TJP2: variants seen among roughly 807,000 people sequenced by gnomAD.
TJP2 encodes the protein tight junction protein 2.
A neutral mutation model predicts 133.1 loss-of-function variants in TJP2; 91 were observed. The ratio of observed to expected loss-of-function variants is 0.68; its 90% CI spans 0.58 to 0.81. The LOEUF is 0.81. Among genes scored for constraint, TJP2 ranks in the 40% least tolerant of loss-of-function variants. TJP2 has a pLI of 0.00. For synonymous variants in TJP2, 592 were observed against 583.4 expected (o/e 1.01, Z -0.21); for missense variants, 1,541 against 1,565.6 (o/e 0.98, Z 0.26).
At chr9:69,204,391 C>T (rs1314570429) in intron 1 of TJP2, among the ~76,000 whole-genome samples, 1 of 152,190 alleles carries the variant, frequency 6.6e-6, no homozygotes. Context: ...GAATTCCTAA[C>T]CCCAGCTCCC....
intron 1 of TJP2, among the ~76,000 whole-genome samples, chr9:69,193,559 C>T (rs541042749): frequency 6.8e-6 from 1 of 146,956 alleles, no homozygotes; most frequent in African/African-American, 2.5e-5. Flanking sequence ...CCCGTGTCAC[C>T]AATGGACTAA....
chr9:69,170,728 T>G (rs1471734013), upstream of TJP2, among the ~76,000 whole-genome samples: 1 of 152,238 alleles, frequency 6.6e-6, no homozygotes, highest in East Asian at 1.9e-4. Context: ...TTCCTTGGCT[T>G]TTTGGACACT....
At chr9:69,252,741 G>A (rs1831426471) in intron 21 of TJP2, 74 bp from the exon 22 acceptor site, 2 of 1,406,988 alleles carry the variant, frequency 1.4e-6, no homozygotes, top group Non-Finnish European at 2.0e-6. Flanking sequence ...GGTGGGACCA[G>A]CAGGAAACCA....
chr9:69,148,011 G>C (rs780890122), intron 1 of TJP2, among the ~76,000 whole-genome samples: 2 of 150,760 alleles, frequency 1.3e-5, no homozygotes, highest in South Asian at 4.2e-4. Context: ...TGCAACCTCC[G>C]CCTCCCGGGT....
At chr9:69,193,575 C>T (rs1057443423) in intron 1 of TJP2, among the ~76,000 whole-genome samples, 1 of 146,660 alleles carries the variant, frequency 6.8e-6, no homozygotes, top group Non-Finnish European at 1.5e-5. Flanking sequence ...ACTAAGGATG[C>T]AGACTGTCAG....
intron 19 of TJP2, 194 bp from the exon 20 acceptor site, chr9:69,249,181 A>G (rs1828002168): frequency 1.0e-6 from 1 of 985,414 alleles, no homozygotes; most frequent in Non-Finnish European, 1.2e-6. Flanking sequence ...GAGACTCTAC[A>G]TTGGATGCAG....
At chr9:69,131,889 A>G (rs73647082) in intron 1 of TJP2, among the ~76,000 whole-genome samples, 2,824 of 152,266 alleles carry the variant, frequency 0.019, 80 homozygotes, top group African/African-American at 0.062. Context: ...CCCAGTTTCA[A>G]TGATTCACTA....
chr9:69,178,359 A>C (rs1337204818), intron 1 of TJP2, among the ~76,000 whole-genome samples: 1 of 152,252 alleles, frequency 6.6e-6, no homozygotes, highest in Non-Finnish European at 1.5e-5. Flanking sequence ...TAGATTGCTT[A>C]GAATGAGGCA....
At chr9:69,193,202 C>T (rs753591707) in intron 1 of TJP2, among the ~76,000 whole-genome samples, 14 of 152,128 alleles carry the variant, frequency 9.2e-5, no homozygotes, top group African/African-American at 1.9e-4. Context: ...AGGCATGAGC[C>T]ACCGTGCCTG....
upstream of TJP2, among the ~76,000 whole-genome samples, chr9:69,173,729 C>A (rs1053894042): frequency 6.6e-6 from 1 of 152,204 alleles, no homozygotes; most frequent in African/African-American, 2.4e-5. Context: ...TTCGACTCTT[C>A]GTAGGAGAAC....
At chr9:69,146,322 G>A (rs1823209367) in intron 1 of TJP2, among the ~76,000 whole-genome samples, 1 of 152,136 alleles carries the variant, frequency 6.6e-6, no homozygotes, top group Non-Finnish European at 1.5e-5. Context: ...AGTTCTTTAT[G>A]CATAGCTACA....
At chr9:69,216,565 AT>A (rs1374636128) in intron 3 of TJP2, 102 bp downstream of exon 3, 5 of 1,289,888 alleles carry the variant, frequency 3.9e-6, no homozygotes, top group Non-Finnish European at 5.3e-6. Flanking sequence ...AAAGAAAAAA[AT>A]AACAAACTTT....
intron 17 of TJP2, among the ~76,000 whole-genome samples, chr9:69,243,636 CTT>C (rs1045084164): frequency 9.2e-5 from 14 of 152,294 alleles, no homozygotes; most frequent in Admixed American, 2.0e-4. Context: ...TTTAAGTTGA[CTT>C]ATGGATTTAG....
chr9:69,201,620 A>G (rs1251668787), intron 1 of TJP2, among the ~76,000 whole-genome samples: 1 of 152,172 alleles, frequency 6.6e-6, no homozygotes, highest in African/African-American at 2.4e-5. Flanking sequence ...TTGTTGAATG[A>G]ATGAGTAAAG....
intron 1 of TJP2, among the ~76,000 whole-genome samples, chr9:69,192,037 C>T (rs1012334530): frequency 2.0e-5 from 3 of 151,934 alleles, no homozygotes; most frequent in Admixed American, 6.6e-5. Context: ...CATGCCCAGC[C>T]GTATGTTTTA....
chr9:69,122,964 A>G lies in TJP2; in HGVS notation c.-131+1239A>G, dbSNP rs115712160. On this transcript the variant is annotated intron_variant, in intron 1 of 5. Transcript: ENST00000423935. ...TAGGGTGACATTCTGGGTACTTTCA[A>G]GTGTTCACGTGTCTTGCCACTTTAA... Among the ~76,000 whole-genome samples, 699 of 152,216 alleles carry G rather than the reference A, an allele frequency of 4.6e-3. 5 individuals carry two copies. Among genetic ancestry groups the G allele is most frequent in the African/African-American group, 0.016 (675 of 41,518 alleles).
chr9:69,229,134 G>T, intron 9 of TJP2, 50 bp from the exon 10 acceptor site: 1 of 1,525,792 alleles, frequency 6.6e-7, no homozygotes, highest in Non-Finnish European at 9.1e-7. Context: ...ATTTAGAAAC[G>T]CACTCTTGTT....
chr9:69,225,448 C>A, intron 6 of TJP2, 41 bp downstream of exon 6: 1 of 1,313,226 alleles, frequency 7.6e-7, no homozygotes, highest in Non-Finnish European at 1.1e-6. Flanking sequence ...TGCATACTGC[C>A]GTTCATCGCC....
In TJP2 at chr9:69,206,874, G is replaced by A. The variant is rs545919614; in HGVS notation, c.61-5674G>A. ...TTACAGGCGCGAGCCATCGCGCCCG[G>A]CCTCATCTCCCTATTTTTTAAACTT... On this transcript the variant is annotated intron_variant, in intron 1 of 22. Coordinates refer to ENST00000377245, the MANE Select transcript of TJP2 (RefSeq NM_004817.4). Among the ~76,000 whole-genome samples the A allele has an allele frequency of 7.4e-4, 113 of 152,164 alleles. 1 individual carries two copies. Among genetic ancestry groups the A allele is most frequent in the Non-Finnish European group, 1.3e-3 (87 of 67,988 alleles).
Sources: allele counts gnomAD v4.1 joint callset (sites outside exome capture counted in the v4.1 genomes callset), GRCh38; gene constraint gnomAD v4.1.1; transcripts MANE v1.5; gene names NCBI Gene and HGNC (gene_info 2026-07-23, HGNC 2026-07-21).